NR6A1: variants seen among roughly 807,000 people sequenced by gnomAD.
NR6A1 encodes the protein retinoic acid receptor-related testis-associated receptor.
NR6A1 carries 7 observed loss-of-function variants against 59.1 expected under a neutral mutation model. The ratio of observed to expected loss-of-function variants is 0.12; its 90% CI spans 0.07 to 0.22. The LOEUF is 0.22. Among genes scored for constraint, NR6A1 ranks in the 10% least tolerant of loss-of-function variants. The pLI is 1.00. For synonymous variants in NR6A1, 243 were observed against 236.1 expected (o/e 1.03, Z -0.27); for missense variants, 468 against 611.6 (o/e 0.77, Z 2.48).
At chr9:124,658,774 A>G (rs2130936438) in intron 2 of NR6A1, 1 of 152,258 alleles carries the variant, frequency 6.6e-6, no homozygotes, top group South Asian at 2.1e-4. Flanking sequence ...TTTTAACTAA[A>G]AGCCATTTTA....
At chr9:124,548,053 TAAG>T (rs1221902196) in intron 3 of NR6A1, among the ~76,000 whole-genome samples, 1 of 142,126 alleles carries the variant, frequency 7.0e-6, no homozygotes, top group African/African-American at 2.7e-5. Context: ...CTCAAATGGC[TAAG>T]AAGGTGCGTA....
intron 1 of NR6A1, among the ~76,000 whole-genome samples, chr9:124,766,319 C>G (rs1351257406): frequency 6.6e-6 from 1 of 152,178 alleles, no homozygotes; most frequent in Non-Finnish European, 1.5e-5. Context: ...AAAACATTTT[C>G]CTTCACAACT....
intron 2 of NR6A1, among the ~76,000 whole-genome samples, chr9:124,728,673 G>A (rs147042341): frequency 8.9e-6 from 1 of 112,028 alleles, no homozygotes; most frequent in Non-Finnish European, 1.8e-5. Context: ...AATAAATAAA[G>A]TACTTGCTCA....
chr9:124,522,784 A>G lies in NR6A1; in HGVS notation c.1364T>C (p.Val455Ala). 1 of 1,587,264 alleles carries G rather than the reference A, an allele frequency of 6.3e-7. No homozygotes were observed. Reference sequence around the variant, plus strand: ...GGGCAGCTGCTCCAGGGGCACATTCACCATCTTTCCTGGGAACAAGGGGGG... The same window carrying G: ...GGGCAGCTGCTCCAGGGGCACATTCGCCATCTTTCCTGGGAACAAGGGGGG... ...PEIRYIAGKM[V>A]NVPLEQLPLL... The change falls in exon 10 of 10, where the codon GTG (valine) becomes GCG (alanine). Residue 455 changes from valine to alanine, a missense_variant. Coordinates refer to ENST00000487099, the MANE Select transcript of NR6A1 (RefSeq NM_033334.4).
intron 7 of NR6A1, among the ~76,000 whole-genome samples, chr9:124,528,438 C>CA (rs1833004321): frequency 6.6e-6 from 1 of 152,152 alleles, no homozygotes; most frequent in African/African-American, 2.4e-5. Flanking sequence ...TGGTGGCTCA[C>CA]ACCTGTAGTC....
intron 2 of NR6A1, among the ~76,000 whole-genome samples, chr9:124,627,129 T>C (rs1409280471): frequency 1.3e-5 from 2 of 152,180 alleles, no homozygotes; most frequent in Non-Finnish European, 2.9e-5. Flanking sequence ...ACATATATTG[T>C]TTCATTCAAC....
At chr9:124,582,228 G>C (rs757263956) in intron 2 of NR6A1, among the ~76,000 whole-genome samples, 12 of 152,256 alleles carry the variant, frequency 7.9e-5, no homozygotes, top group Admixed American at 3.3e-4. Flanking sequence ...ATACACCATG[G>C]AATACTAGTC....
intron 2 of NR6A1, among the ~76,000 whole-genome samples, chr9:124,557,643 T>A (rs1196357940): frequency 6.6e-6 from 1 of 152,060 alleles, no homozygotes; most frequent in Admixed American, 6.6e-5. Context: ...TTTTAAAAAT[T>A]AAAACAGGTA....
intron 7 of NR6A1, among the ~76,000 whole-genome samples, chr9:124,531,360 G>A (rs1004888019): frequency 2.0e-5 from 3 of 152,138 alleles, no homozygotes; most frequent in African/African-American, 4.8e-5. Flanking sequence ...AAGGAATATG[G>A]GCACCATAAA....
rs1838060378 is a variant in NR6A1, at chr9:124,679,480, T to C, written c.142+53828A>G. Among the ~76,000 whole-genome samples, 4 of 152,168 alleles carry C rather than the reference T, an allele frequency of 2.6e-5. No individual in the cohort carries two copies. The South Asian group carries it at 8.3e-4, about 32-fold the overall frequency. On this transcript the variant is annotated intron_variant, in intron 2 of 9. Coordinates refer to ENST00000487099, the MANE Select transcript of NR6A1 (RefSeq NM_033334.4). ...CCGCACCTGCCCCCTGATTATCTTG[T>C]CATAAAACCATCCGTAGGGAGCCAA...
At chr9:124,556,757 G>A (rs989165236) in intron 2 of NR6A1, among the ~76,000 whole-genome samples, 17 of 152,172 alleles carry the variant, frequency 1.1e-4, no homozygotes, top group Non-Finnish European at 1.8e-4. Context: ...CACCACGCCC[G>A]ACCTGATTTT....
At chr9:124,716,808 T>C (rs1372712305) in intron 2 of NR6A1, among the ~76,000 whole-genome samples, 1 of 152,144 alleles carries the variant, frequency 6.6e-6, no homozygotes, top group Non-Finnish European at 1.5e-5. Context: ...ATTTTTGTAT[T>C]TTTAGTAGAG....
intron 2 of NR6A1, among the ~76,000 whole-genome samples, chr9:124,629,782 A>G (rs1836370145): frequency 6.6e-6 from 1 of 152,178 alleles, no homozygotes; most frequent in African/African-American, 2.4e-5. Flanking sequence ...TAGTCATTTC[A>G]GTTTGAAGAA....
chr9:124,582,000 TAGA>T (rs997499946), intron 2 of NR6A1, among the ~76,000 whole-genome samples: 3 of 152,224 alleles, frequency 2.0e-5, no homozygotes, highest in African/African-American at 7.2e-5. Context: ...TCAACCATTG[TAGA>T]AGATGTTGTG....
chr9:124,590,497 A>G (rs1835084420), intron 2 of NR6A1, among the ~76,000 whole-genome samples: 2 of 152,230 alleles, frequency 1.3e-5, no homozygotes, highest in African/African-American at 4.8e-5. Context: ...AAGCAACATT[A>G]AAACTATTTT....
At chr9:124,607,747 T>A (rs1835614426) in intron 2 of NR6A1, among the ~76,000 whole-genome samples, 1 of 152,158 alleles carries the variant, frequency 6.6e-6, no homozygotes, top group Non-Finnish European at 1.5e-5. Flanking sequence ...ATAATGTTTT[T>A]CATGAAATAA....
intron 2 of NR6A1, among the ~76,000 whole-genome samples, chr9:124,588,231 G>C (rs1284482935): frequency 1.3e-5 from 2 of 152,122 alleles, no homozygotes; most frequent in Non-Finnish European, 2.9e-5. Context: ...ATGTTTTAGT[G>C]TATGATTCCA....
At chr9:124,762,738 A>T (rs974764965) in intron 1 of NR6A1, among the ~76,000 whole-genome samples, 1 of 152,210 alleles carries the variant, frequency 6.6e-6, no homozygotes, top group African/African-American at 2.4e-5. Flanking sequence ...TCACACATAG[A>T]TCTTTTGGAA....
chr9:124,554,913 T>C (rs1833883045), intron 2 of NR6A1, among the ~76,000 whole-genome samples: 3 of 152,178 alleles, frequency 2.0e-5, no homozygotes, highest in Non-Finnish European at 4.4e-5. Context: ...AAGGATTACT[T>C]ACCATATATG....
Sources: allele counts gnomAD v4.1 joint callset (sites outside exome capture counted in the v4.1 genomes callset), GRCh38; gene constraint gnomAD v4.1.1; transcripts MANE v1.5; gene names NCBI Gene and HGNC (gene_info 2026-07-23, HGNC 2026-07-21).